DPP6: variants seen among roughly 807,000 people sequenced by gnomAD.
DPP6 encodes dipeptidyl peptidase like 6, also known as A-type potassium channel modulatory protein DPP6.
In DPP6, 69 loss-of-function variants were observed where a neutral mutation model predicts 122.6. The ratio of observed to expected loss-of-function variants is 0.56; its 90% CI spans 0.46 to 0.69. The LOEUF (loss-of-function observed/expected upper bound fraction) is 0.69, where lower values mean the gene tolerates loss of function less well. Among genes scored for constraint, DPP6 ranks in the 30% least tolerant of loss-of-function variants. The pLI is 0.00. For missense variants in DPP6, 928 were observed against 1,116.9 expected (o/e 0.83, Z 2.41); for synonymous variants, 418 against 433.1 (o/e 0.97, Z 0.43).
In DPP6 at chr7:154,257,474, C is replaced by A. The variant is rs183688517; in HGVS notation, c.244-188740C>A. ...CTTTGGGAGGCTGAGGCAGGTGGAT[C>A]ACCTGAGGTCAGGAGTTCAAGACCA... On this transcript the variant is annotated intron_variant, in intron 1 of 25. Coordinates refer to ENST00000377770, the MANE Select transcript of DPP6 (RefSeq NM_130797.4). 2.6e-3 allele frequency among the ~76,000 whole-genome samples: 393 copies of A among 152,088 alleles called. 1 individual carries two copies. Among genetic ancestry groups the A allele is most frequent in the Non-Finnish European group, 4.2e-3 (285 of 67,990 alleles).
At chr7:153,866,805 C>A in the DPP6 span, among the ~76,000 whole-genome samples, 5 of 152,214 alleles carry the variant, frequency 3.3e-5, no homozygotes, top group Admixed American at 3.3e-4. Context: ...AGTCTTTAAT[C>A]CATCTTGAAT....
chr7:154,214,486 G>C (rs567683386), intron 1 of DPP6, among the ~76,000 whole-genome samples: 2 of 152,212 alleles, frequency 1.3e-5, no homozygotes, highest in African/African-American at 4.8e-5. Context: ...ATGTGGAGAG[G>C]AAAGAGTTGG....
At chr7:154,365,174 G>A (rs1033788842) in intron 1 of DPP6, among the ~76,000 whole-genome samples, 1 of 152,168 alleles carries the variant, frequency 6.6e-6, no homozygotes, top group African/African-American at 2.4e-5. Context: ...TCATTGCACC[G>A]TAGGTTATTG....
intron 1 of DPP6, among the ~76,000 whole-genome samples, chr7:154,278,260 C>G (rs573358691): frequency 6.6e-5 from 10 of 152,270 alleles, no homozygotes; most frequent in African/African-American, 1.9e-4. Context: ...GACCAACTTG[C>G]TAAGTCAAAA....
At position 154,237,559 on chromosome 7, in the gene DPP6, A is replaced by G. The variant is rs115819844; in HGVS notation, c.243+184496A>G. On this transcript the variant is annotated intron_variant, in intron 1 of 25. Transcript: ENST00000377770. ...GTTGACCTCACCTGGGGTCTCATTC[A>G]CTGTCCCACCTTCCCTGGACCAGGC... Among the ~76,000 whole-genome samples, 1,211 of 152,140 alleles carry G rather than the reference A, an allele frequency of 8.0e-3. 17 individuals are homozygous for G. Among genetic ancestry groups the G allele is most frequent in the African/African-American group, 0.027 (1,140 of 41,512 alleles).
At chr7:154,166,074 A>C (rs1296884910) in intron 1 of DPP6, among the ~76,000 whole-genome samples, 1 of 152,154 alleles carries the variant, frequency 6.6e-6, no homozygotes, top group Non-Finnish European at 1.5e-5. Flanking sequence ...TATATTCTTC[A>C]ATAGTTTAAA....
chr7:154,443,615 T>C (rs1164018254), intron 1 of DPP6, among the ~76,000 whole-genome samples: 1 of 142,784 alleles, frequency 7.0e-6, no homozygotes, highest in African/African-American at 2.8e-5. Flanking sequence ...AATGGATGGA[T>C]GGATATGTCG....
At chr7:154,527,619 CTACATTCATTGTGTA>C (rs1247170919) in intron 3 of DPP6, among the ~76,000 whole-genome samples, 1 of 152,060 alleles carries the variant, frequency 6.6e-6, no homozygotes, top group Non-Finnish European at 1.5e-5. Flanking sequence ...ATTAAATTTA[CTACATTCATTGTGTA>C]TACTCTTTGT....
At chr7:154,853,985 A>G (rs2150579624) in intron 17 of DPP6, among the ~76,000 whole-genome samples, 158 bp downstream of exon 17, 1 of 152,292 alleles carries the variant, frequency 6.6e-6, no homozygotes, top group East Asian at 1.9e-4. Context: ...ACCAATATCA[A>G]CGAAATATGA....
chr7:153,766,463 GT>G, the DPP6 span, among the ~76,000 whole-genome samples: 4 of 152,068 alleles, frequency 2.6e-5, no homozygotes, highest in Admixed American at 6.5e-5. Flanking sequence ...TGGGAACTAA[GT>G]TTTTGTTTGT....
At chr7:154,343,269 G>T (rs1586000736) in intron 1 of DPP6, among the ~76,000 whole-genome samples, 2 of 152,210 alleles carry the variant, frequency 1.3e-5, no homozygotes, top group African/African-American at 4.8e-5. Flanking sequence ...GGAGTATGCA[G>T]ATTCCCCAAA....
At chr7:154,171,673 T>A (rs10236587) in intron 1 of DPP6, among the ~76,000 whole-genome samples, 1 of 151,834 alleles carries the variant, frequency 6.6e-6, no homozygotes. Flanking sequence ...CCTGCCCTCC[T>A]CTGAGAGCTG....
At chr7:154,240,866 G>A (rs1411931999) in intron 1 of DPP6, among the ~76,000 whole-genome samples, 1 of 152,106 alleles carries the variant, frequency 6.6e-6, no homozygotes, top group Non-Finnish European at 1.5e-5. Flanking sequence ...TAGACAGTGA[G>A]GTTTGACCAC....
At chr7:154,485,432 C>T (rs1403404902) in intron 3 of DPP6, among the ~76,000 whole-genome samples, 1 of 152,178 alleles carries the variant, frequency 6.6e-6, no homozygotes, top group African/African-American at 2.4e-5. Flanking sequence ...AGTTGTCTGG[C>T]ATTAGGAACC....
At chr7:154,826,140 T>G (rs1800128010) in intron 16 of DPP6, among the ~76,000 whole-genome samples, 1 of 152,200 alleles carries the variant, frequency 6.6e-6, no homozygotes, top group East Asian at 1.9e-4. Flanking sequence ...TCCTGCACAT[T>G]CCGAGTTTGG....
chr7:154,139,823 T>C (rs1795754751), intron 1 of DPP6, among the ~76,000 whole-genome samples: 1 of 152,242 alleles, frequency 6.6e-6, no homozygotes, highest in African/African-American at 2.4e-5. Flanking sequence ...AAGAAGTCTC[T>C]TTTGCATTTC....
chr7:154,893,282 G>A lies in DPP6; in HGVS notation c.*802G>A. The A allele has an allele frequency of 4.1e-6, 1 of 242,944 alleles. No homozygotes were observed. Among genetic ancestry groups the A allele is most frequent in the Non-Finnish European group, 8.2e-6 (1 of 121,910 alleles). The allele number at this position is 242,944 out of a possible 1,614,324, so 15.0% of individuals were successfully genotyped here. On this transcript the variant is annotated 3_prime_UTR_variant, in exon 26 of 26. Transcript: ENST00000377770. ...TTGGGGACGTTCCTAAACACTGAGG[G>A]GGAAGACAGCCAATAGCACCCATTA...
intron 8 of DPP6, among the ~76,000 whole-genome samples, chr7:154,730,519 TAAC>T (rs974649274): frequency 4.6e-5 from 7 of 152,310 alleles, no homozygotes; most frequent in Admixed American, 6.5e-5. Flanking sequence ...ACAATAAAAA[TAAC>T]AATAATTATG....
chr7:153,939,778 G>C (rs1304569009), intron 1 of DPP6, among the ~76,000 whole-genome samples: 1 of 152,138 alleles, frequency 6.6e-6, no homozygotes, highest in East Asian at 1.9e-4. Context: ...TCACTTTATT[G>C]CATTTTGCTA....
Sources: gnomAD v4.1 joint callset for allele counts (sites outside exome capture counted in the v4.1 genomes callset) on GRCh38, gnomAD v4.1.1 for gene constraint, MANE v1.5 for transcripts, NCBI Gene and HGNC (gene_info 2026-07-23, HGNC 2026-07-21) for gene names.